Variants in ZBTB7C observed in about 807,000 individuals in gnomAD.
ZBTB7C encodes the protein zinc finger and BTB domain-containing protein 7C.
A neutral mutation model predicts 25.7 loss-of-function variants in ZBTB7C; 8 were observed. The ratio of observed to expected loss-of-function variants is 0.31; its 90% confidence interval spans 0.18 to 0.56. The LOEUF (loss-of-function observed/expected upper bound fraction) is 0.56. ZBTB7C is among the 20% of genes least tolerant of loss of function. The pLI, the probability that ZBTB7C is intolerant of heterozygous loss-of-function variation, is 0.91. For synonymous variants in ZBTB7C, 394 were observed against 369.0 expected (o/e 1.07, Z -0.78); for missense variants, 824 against 855.2 (o/e 0.96, Z 0.46).
At position 48,396,250 on chromosome 18, in the gene ZBTB7C, G is replaced by A. The variant is rs182586523; in HGVS notation, c.-304+12976C>T. On this transcript the variant is annotated intron_variant, in intron 1 of 4. Transcript: ENST00000590800. ...TTTGTCATTGTACCACCCAGCTGAT[G>A]AGCAAGATTTCTGAGTTCTTGGAAA... Among the ~76,000 whole-genome samples the A allele has an allele frequency of 1.1e-3, 172 of 152,292 alleles. 1 individual carries two copies. Among genetic ancestry groups the A allele is most frequent in the Admixed American group, 9.5e-3 (145 of 15,300 alleles).
chr18:48,269,241 CAT>C (rs1418755170), intron 2 of ZBTB7C, among the ~76,000 whole-genome samples: 1 of 152,106 alleles, frequency 6.6e-6, no homozygotes, highest in Non-Finnish European at 1.5e-5. Context: ...TGGGATTACA[CAT>C]GTGAGCCGCC....
intron 1 of ZBTB7C, among the ~76,000 whole-genome samples, chr18:48,391,150 C>T (rs1409712950): frequency 6.6e-6 from 1 of 152,192 alleles, no homozygotes; most frequent in Non-Finnish European, 1.5e-5. Context: ...AGAAGTAAAA[C>T]CATGGCATCT....
rs1256745767 is a variant in ZBTB7C, at chr18:48,364,679, G to C, written c.-303-26281C>G. Among the ~76,000 whole-genome samples, 3 of 152,082 alleles carry C rather than the reference G, an allele frequency of 2.0e-5. No homozygotes were observed. In the East Asian group the frequency reaches 5.8e-4, roughly 29 times the overall value. ...TGGTTCAAATTCAGAAGACACAAAA[G>C]GATACAGTGAAAAGTCATCCTGCCA... is the stretch of plus-strand genomic sequence containing the variant. On this transcript the variant is annotated intron_variant, in intron 1 of 4. Transcript: ENST00000590800.
intron 2 of ZBTB7C, among the ~76,000 whole-genome samples, chr18:48,197,216 G>A (rs1411051224): frequency 6.6e-6 from 1 of 152,028 alleles, no homozygotes; most frequent in Non-Finnish European, 1.5e-5. Flanking sequence ...AATGGAACTA[G>A]GGACCAGATC....
chr18:48,197,821 G>A (rs1458472339), intron 2 of ZBTB7C, among the ~76,000 whole-genome samples: 1 of 152,140 alleles, frequency 6.6e-6, no homozygotes, highest in Admixed American at 6.5e-5. Flanking sequence ...GCCATATTGG[G>A]AGCTAGGGCT....
intron 2 of ZBTB7C, among the ~76,000 whole-genome samples, chr18:48,330,195 G>A (rs1337996598): frequency 6.6e-6 from 1 of 152,212 alleles, no homozygotes; most frequent in Non-Finnish European, 1.5e-5. Context: ...GACAGGGCAT[G>A]CCCCAGCATG....
rs1373811834 is a variant in ZBTB7C, at chr18:48,137,408, G to C, written c.-17+48526C>G. On this transcript the variant is annotated intron_variant, in intron 3 of 4. Transcript: ENST00000590800. ...TCCGGGTTCCTCCGTTTTGTTTTTT[G>C]TGGGTTTCCCCCCACTCTCCTTCTC... 1.5e-5 allele frequency: 13 copies of C among 873,934 alleles called. No homozygotes were observed. The Admixed American group carries it at 8.1e-4, about 54-fold the overall frequency. 54.1% of individuals were successfully genotyped at this position (873,934 alleles called of 1,614,324 possible).
At chr18:48,210,049 G>T (rs1394483238) in intron 2 of ZBTB7C, among the ~76,000 whole-genome samples, 1 of 152,110 alleles carries the variant, frequency 6.6e-6, no homozygotes, top group Non-Finnish European at 1.5e-5. Context: ...TATGCAAATG[G>T]CCGGTAAGTA....
intron 2 of ZBTB7C, among the ~76,000 whole-genome samples, chr18:48,250,799 A>C (rs1470385096): frequency 6.7e-6 from 1 of 150,320 alleles, no homozygotes; most frequent in Non-Finnish European, 1.5e-5. Flanking sequence ...TTTTATATCC[A>C]GTCTAACAGT....
At chr18:48,114,917 T>C (rs1472549708) in intron 3 of ZBTB7C, among the ~76,000 whole-genome samples, 1 of 152,188 alleles carries the variant, frequency 6.6e-6, no homozygotes, top group Non-Finnish European at 1.5e-5. Flanking sequence ...TTTGGGAAAA[T>C]ATGTATATAA....
intron 3 of ZBTB7C, among the ~76,000 whole-genome samples, chr18:48,105,396 A>G (rs1048100299): frequency 4.6e-5 from 7 of 152,200 alleles, no homozygotes; most frequent in African/African-American, 1.4e-4. Flanking sequence ...TTCTCAACAG[A>G]GGCACTATTG....
chr18:48,095,243 G>A (rs1002242185), intron 3 of ZBTB7C, among the ~76,000 whole-genome samples: 8 of 152,138 alleles, frequency 5.3e-5, no homozygotes, highest in Admixed American at 2.0e-4. Flanking sequence ...TGGCAAGCAC[G>A]ATGGCCATTT....
At chr18:48,164,232 A>T (rs2041164786) in intron 3 of ZBTB7C, among the ~76,000 whole-genome samples, 1 of 152,200 alleles carries the variant, frequency 6.6e-6, no homozygotes. Context: ...CGGGTTATGC[A>T]CAAGGGCTTG....
At chr18:48,271,898 T>C (rs2044498861) in intron 2 of ZBTB7C, among the ~76,000 whole-genome samples, 2 of 152,324 alleles carry the variant, frequency 1.3e-5, no homozygotes, top group South Asian at 4.1e-4. Context: ...TTTCATTAAA[T>C]GCAGGACCCT....
chr18:48,365,075 G>A (rs1485335746), intron 1 of ZBTB7C, among the ~76,000 whole-genome samples: 1 of 152,172 alleles, frequency 6.6e-6, no homozygotes, highest in Admixed American at 6.5e-5. Flanking sequence ...CATGCTACAT[G>A]GATTTACAAG....
chr18:48,343,321 T>C (rs962547719), intron 1 of ZBTB7C, among the ~76,000 whole-genome samples: 1 of 152,144 alleles, frequency 6.6e-6, no homozygotes, highest in Non-Finnish European at 1.5e-5. Context: ...CATCTAAGAT[T>C]TGCCCTGTGT....
intron 3 of ZBTB7C, among the ~76,000 whole-genome samples, chr18:48,142,405 A>G (rs1196539262): frequency 1.3e-5 from 2 of 152,168 alleles, no homozygotes; most frequent in Admixed American, 1.3e-4. Context: ...GTGTGGGCCA[A>G]GCACAGGGTG....
At chr18:48,270,551 G>T (rs185361608) in intron 2 of ZBTB7C, among the ~76,000 whole-genome samples, 27 of 150,602 alleles carry the variant, frequency 1.8e-4, no homozygotes, top group Non-Finnish European at 4.0e-4. Flanking sequence ...TTAGCCAGGT[G>T]TGGTGGCACG....
chr18:48,133,697 TC>T (rs1289879760), intron 3 of ZBTB7C, among the ~76,000 whole-genome samples: 1 of 151,230 alleles, frequency 6.6e-6, no homozygotes, highest in African/African-American at 2.4e-5. Flanking sequence ...AAATAAATCC[TC>T]CGTGGAAGTT....
Sources: allele counts gnomAD v4.1 joint callset (sites outside exome capture counted in the v4.1 genomes callset), GRCh38; gene constraint gnomAD v4.1.1; transcripts MANE v1.5; gene names NCBI Gene and HGNC (gene_info 2026-07-23, HGNC 2026-07-21).